KIRREL3: variants seen among roughly 807,000 people sequenced by gnomAD.
KIRREL3 encodes the protein kirre like nephrin family adhesion molecule 3, also known as kin of IRRE-like protein 3.
Under a neutral mutation model 89.7 loss-of-function variants are expected in KIRREL3, and 36 were observed. The ratio of observed to expected loss-of-function variants is 0.40; its 90% CI spans 0.31 to 0.53. The LOEUF (loss-of-function observed/expected upper bound fraction) is 0.53. Ranked by LOEUF, KIRREL3 falls within the 20% of genes least tolerant of loss-of-function variation. The pLI, the probability that KIRREL3 is intolerant of heterozygous loss-of-function variation, is 0.49. For missense variants in KIRREL3, 864 were observed against 1,056.6 expected, an observed-to-expected ratio of 0.82 and a Z score of 2.53; for synonymous variants, 445 against 441.4, an observed-to-expected ratio of 1.01 and a Z score of -0.10.
chr11:126,684,108 G>A lies in KIRREL3; in HGVS notation c.56-121196C>T, dbSNP rs1464730003. Among the ~76,000 whole-genome samples the A allele has an allele frequency of 6.6e-6, 1 of 152,208 alleles. No individual in the cohort carries two copies. The highest frequency in any genetic ancestry group is 1.5e-5 in the Non-Finnish European group (1 of 68,044). Reference sequence around the variant, plus strand: ...TGCTCAGTGGGATGGCATCTTGGGGGAGCACCTTGGGCAGGGCTGCCCAGA... The same window carrying A: ...TGCTCAGTGGGATGGCATCTTGGGGAAGCACCTTGGGCAGGGCTGCCCAGA... On this transcript the variant is annotated intron_variant, in intron 1 of 16. Transcript: ENST00000525144. The surrounding 1 kb of genome is among the most constrained non-coding windows in gnomAD (Gnocchi z 4.2).
Position 126,892,072 on chromosome 11 carries a change from C to T in KIRREL3, c.55+108383G>A, listed in dbSNP as rs548843688. On this transcript the variant is annotated intron_variant, in intron 1 of 16. Transcript: ENST00000525144. This position sits in a 1 kb window ranked among gnomAD's most constrained non-coding sequence, Gnocchi z 5.4. The stretch of plus-strand genomic sequence containing the variant: ...GCCTGAATTCTGATCCTGGCTCTAT[C>T]AGTGTCTCTGTGCACCAGAGAGAGG... Among the ~76,000 whole-genome samples the T allele has an allele frequency of 1.4e-4, 21 of 152,278 alleles. No homozygotes were observed. Among genetic ancestry groups the T allele is most frequent in the African/African-American group, 4.6e-4 (19 of 41,562 alleles).
At position 126,551,242 on chromosome 11, in the gene KIRREL3, C is replaced by A. The variant is rs996855006; in HGVS notation, c.133+11593G>T. Among the ~76,000 whole-genome samples, 1 of 152,118 alleles carries A rather than the reference C, an allele frequency of 6.6e-6. No individual in the cohort carries two copies. Among genetic ancestry groups the A allele is most frequent in the Non-Finnish European group, 1.5e-5 (1 of 68,016 alleles). On this transcript the variant is annotated intron_variant, in intron 2 of 16. Coordinates refer to ENST00000525144, the MANE Select transcript of KIRREL3 (RefSeq NM_032531.4). This position sits in a 1 kb window ranked among gnomAD's most constrained non-coding sequence, Gnocchi z 4.9. Reference sequence around the variant, plus strand: ...CAGTCCTTTTGGGTTTTCATGGAAGCATTCCTTCCCCTAGGGTGTGAGGCG... The same window carrying A: ...CAGTCCTTTTGGGTTTTCATGGAAGAATTCCTTCCCCTAGGGTGTGAGGCG...
intron 4 of KIRREL3, among the ~76,000 whole-genome samples, chr11:126,488,313 T>G (rs997427245): frequency 1.3e-5 from 2 of 152,218 alleles, no homozygotes; most frequent in African/African-American, 4.8e-5. Flanking sequence ...CAGCCTTTGC[T>G]CTCAGACAGA....
Position 126,849,388 on chromosome 11 carries a change from G to A in KIRREL3, c.55+151067C>T, listed in dbSNP as rs551488212. ...AGCCCTTGGGGCTGCTCTACCTGTG[G>A]AATAGCCATTCTTTTATTTCTTTAC... On this transcript the variant is annotated intron_variant, in intron 1 of 16. Coordinates refer to ENST00000525144, the MANE Select transcript of KIRREL3 (RefSeq NM_032531.4). Among the ~76,000 whole-genome samples the A allele has an allele frequency of 3.1e-3, 465 of 152,280 alleles. 4 individuals carry two copies. Among genetic ancestry groups the A allele is most frequent in the African/African-American group, 0.011 (439 of 41,540 alleles).
At position 126,696,179 on chromosome 11, in the gene KIRREL3, C is replaced by A. The variant is rs986931772; in HGVS notation, c.56-133267G>T. Among the ~76,000 whole-genome samples, 1 of 151,778 alleles carries A rather than the reference C, an allele frequency of 6.6e-6. No individual in the cohort carries two copies. The highest frequency in any genetic ancestry group is 2.4e-5 in the African/African-American group (1 of 41,268). On this transcript the variant is annotated intron_variant, in intron 1 of 16. Transcript: ENST00000525144. This position sits in a 1 kb window ranked among gnomAD's most constrained non-coding sequence, Gnocchi z 4.4. ...GGCTGAGGTATGAGAATTGCTTGAA[C>A]CTGAGTGGCAGAGGTTGCAGTGAGC...
In KIRREL3 at chr11:126,462,988, CAGTA is replaced by C. The variant is rs1463616311; in HGVS notation, c.742+165_742+168del. 6.6e-6 allele frequency among the ~76,000 whole-genome samples: 1 copy of C among 152,216 alleles called. No homozygotes were observed. The highest frequency in any genetic ancestry group is 1.5e-5 in the Non-Finnish European group (1 of 68,038). ...TCATCTGTGAGGTTGCATCTCATGA[CAGTA>C]AGGAAGACAAGATGGTCCTTCCTGT... is the stretch of plus-strand genomic sequence containing the variant. On this transcript the variant is annotated intron_variant, in intron 6 of 16. Transcript: ENST00000525144. The surrounding 1 kb of genome is among the most constrained non-coding windows in gnomAD (Gnocchi z 4.8).
At chr11:126,442,689 G>T (rs1415138644) in intron 10 of KIRREL3, among the ~76,000 whole-genome samples, 1 of 152,202 alleles carries the variant, frequency 6.6e-6, no homozygotes, top group Non-Finnish European at 1.5e-5. Flanking sequence ...CATCCACTGG[G>T]CGTCCCCCCT....
intron 1 of KIRREL3, among the ~76,000 whole-genome samples, chr11:126,846,993 C>T (rs1944169186): frequency 6.6e-6 from 1 of 151,626 alleles, no homozygotes; most frequent in Non-Finnish European, 1.5e-5. Context: ...AGAAAACCTG[C>T]CTATAATCTG....
chr11:126,428,277 C>A lies in KIRREL3; in HGVS notation c.1806+902G>T, dbSNP rs772656642. On this transcript the variant is annotated intron_variant, in intron 15 of 16. Transcript: ENST00000525144. This position sits in a 1 kb window ranked among gnomAD's most constrained non-coding sequence, Gnocchi z 6.4. The stretch of plus-strand genomic sequence containing the variant: ...ATTCCTTGCTCTGCTGCCTCCACTC[C>A]AACATGTTACGACCGAGGCAACCAG... 1.3e-5 allele frequency among the ~76,000 whole-genome samples: 2 copies of A among 152,180 alleles called. No individual in the cohort carries two copies. Among genetic ancestry groups the A allele is most frequent in the Non-Finnish European group, 2.9e-5 (2 of 68,048 alleles).
chr11:126,966,883 T>C (rs983831300), intron 1 of KIRREL3, among the ~76,000 whole-genome samples: 7 of 152,218 alleles, frequency 4.6e-5, no homozygotes, highest in Non-Finnish European at 1.0e-4. Context: ...TAAACAAGAA[T>C]GACTGTTATT....
At position 126,860,637 on chromosome 11, in the gene KIRREL3, A is replaced by G. The variant is rs1944672777; in HGVS notation, c.55+139818T>C. Among the ~76,000 whole-genome samples the G allele has an allele frequency of 1.3e-5, 2 of 152,142 alleles. No individual in the cohort carries two copies. Among genetic ancestry groups the G allele is most frequent in the South Asian group, 4.2e-4 (2 of 4,818 alleles). ...TTGGGACCTACCCTATAAACAACGT[A>G]TAGTTGTTGAAGGTTTCTAGACAGA... On this transcript the variant is annotated intron_variant, in intron 1 of 16. Transcript: ENST00000525144. This position sits in a 1 kb window ranked among gnomAD's most constrained non-coding sequence, Gnocchi z 4.6.
chr11:126,622,146 T>A lies in KIRREL3; in HGVS notation c.56-59234A>T, dbSNP rs948102316. On this transcript the variant is annotated intron_variant, in intron 1 of 16. Coordinates refer to ENST00000525144, the MANE Select transcript of KIRREL3 (RefSeq NM_032531.4). This position sits in a 1 kb window ranked among gnomAD's most constrained non-coding sequence, Gnocchi z 5.2. ...CTATCCTTGCCTCTCTTGGGATTTG[T>A]GGCTCACACTGCATTTACAAGGTGT... 3.3e-5 allele frequency among the ~76,000 whole-genome samples: 5 copies of A among 152,220 alleles called. No homozygotes were observed. The highest frequency in any genetic ancestry group is 1.2e-4 in the African/African-American group (5 of 41,450).
chr11:126,873,893 G>T (rs1945186245), intron 1 of KIRREL3, among the ~76,000 whole-genome samples: 1 of 152,204 alleles, frequency 6.6e-6, no homozygotes, highest in Non-Finnish European at 1.5e-5. Flanking sequence ...AATCAGCAGG[G>T]CCACATATTG....
intron 2 of KIRREL3, among the ~76,000 whole-genome samples, chr11:126,560,542 C>A (rs1382251768): frequency 6.6e-6 from 1 of 152,170 alleles, no homozygotes; most frequent in Non-Finnish European, 1.5e-5. Context: ...TCCTCTTGCT[C>A]CTTCTCAAGC....
At chr11:126,503,844 C>T (rs921273182) in intron 4 of KIRREL3, among the ~76,000 whole-genome samples, 3 of 151,252 alleles carry the variant, frequency 2.0e-5, no homozygotes, top group African/African-American at 4.9e-5. Context: ...TCTCTTTCTC[C>T]CTTTATCTCC....
intron 1 of KIRREL3, among the ~76,000 whole-genome samples, chr11:126,593,317 C>T (rs939541921): frequency 7.2e-5 from 11 of 152,224 alleles, no homozygotes; most frequent in African/African-American, 1.2e-4. Flanking sequence ...GCACCGTTAT[C>T]GGGAGGCTTC....
At chr11:126,503,803 GTC>G (rs1187632666) in intron 4 of KIRREL3, among the ~76,000 whole-genome samples, 3 of 150,306 alleles carry the variant, frequency 2.0e-5, no homozygotes, top group Non-Finnish European at 4.4e-5. Flanking sequence ...TTCTCTCTCT[GTC>G]TCTCTCTCTC....
At chr11:126,858,871 G>C (rs1294926671) in intron 1 of KIRREL3, among the ~76,000 whole-genome samples, 1 of 152,200 alleles carries the variant, frequency 6.6e-6, no homozygotes, top group East Asian at 1.9e-4. Flanking sequence ...GTTGCTAGAA[G>C]GGACAGTGGA....
chr11:126,427,455 C>T lies in KIRREL3; in HGVS notation c.1806+1724G>A, dbSNP rs745441525. 1.7e-4 allele frequency among the ~76,000 whole-genome samples: 26 copies of T among 152,256 alleles called. No individual in the cohort carries two copies. The highest frequency in any genetic ancestry group is 1.7e-3 in the South Asian group (8 of 4,820). Reference sequence around the variant, plus strand: ...CCGCCAGGGGTGGGGAGGACAAGCCCGGAACATCTTGGAGTTGATTGTTAT... The same window carrying T: ...CCGCCAGGGGTGGGGAGGACAAGCCTGGAACATCTTGGAGTTGATTGTTAT... On this transcript the variant is annotated intron_variant, in intron 15 of 16. Coordinates refer to ENST00000525144, the MANE Select transcript of KIRREL3 (RefSeq NM_032531.4). The surrounding 1 kb of genome is among the most constrained non-coding windows in gnomAD (Gnocchi z 5.3).
Sources: allele counts gnomAD v4.1 joint callset (sites outside exome capture counted in the v4.1 genomes callset), GRCh38; gene constraint gnomAD v4.1.1; non-coding constraint Gnocchi (gnomAD v3.1); transcripts MANE v1.5; gene names NCBI Gene and HGNC (gene_info 2026-07-23, HGNC 2026-07-21).